Variants in SLC10A2 observed in about 807,000 individuals in gnomAD.
SLC10A2 encodes solute carrier family 10 member 2.
Under a neutral mutation model 27.1 loss-of-function variants are expected in SLC10A2, and 34 were observed. The observed-to-expected ratio is 1.26, with a 90% CI of 0.96 to 1.67. The LOEUF (loss-of-function observed/expected upper bound fraction) is 1.67. SLC10A2 is among the 40% of genes most tolerant of loss of function. SLC10A2 has a pLI of 0.00. For missense variants in SLC10A2, 530 were observed against 444.4 expected, an observed-to-expected ratio of 1.19 and a Z score of -1.73; for synonymous variants, 205 against 174.0, an observed-to-expected ratio of 1.18 and a Z score of -1.40.
intron 1 of SLC10A2, among the ~76,000 whole-genome samples, chr13:103,059,822 T>C (rs1876050876): frequency 6.6e-6 from 1 of 152,162 alleles, no homozygotes. Flanking sequence ...CTCGCTGTGT[T>C]GCCATAAAGC....
intron 1 of SLC10A2, among the ~76,000 whole-genome samples, chr13:103,065,626 A>G (rs1876248883): frequency 6.6e-6 from 1 of 152,234 alleles, no homozygotes; most frequent in African/African-American, 2.4e-5. Flanking sequence ...CTAGAGATCA[A>G]CAGCAATTAT....
intron 1 of SLC10A2, 82 bp from the exon 2 acceptor site, chr13:103,058,464 C>T (rs1036683152): frequency 1.0e-5 from 9 of 875,174 alleles, no homozygotes; most frequent in Middle Eastern, 3.2e-4. Context: ...TTTAATTTAA[C>T]TTTTATTTTA....
At chr13:103,047,618 T>C (rs780971259) in intron 5 of SLC10A2, among the ~76,000 whole-genome samples, 14 of 144,932 alleles carry the variant, frequency 9.7e-5, no homozygotes, top group Admixed American at 5.5e-4. Flanking sequence ...TTTAGAATCC[T>C]AGCCTTACCA....
chr13:103,048,976 A>G (rs1875689670), intron 5 of SLC10A2, among the ~76,000 whole-genome samples: 1 of 152,244 alleles, frequency 6.6e-6, no homozygotes, highest in Non-Finnish European at 1.5e-5. Flanking sequence ...TCCTGGGCGA[A>G]TGCCAGAAGG....
intron 1 of SLC10A2, among the ~76,000 whole-genome samples, chr13:103,064,330 T>G (rs1438945702): frequency 6.6e-6 from 1 of 152,242 alleles, no homozygotes; most frequent in Non-Finnish European, 1.5e-5. Context: ...AGAAATAAGA[T>G]TTCCTTAAAA....
chr13:103,058,181 G>T, intron 2 of SLC10A2, 83 bp downstream of exon 2: 2 of 854,764 alleles, frequency 2.3e-6, no homozygotes, highest in Non-Finnish European at 4.1e-6. Flanking sequence ...ACGGTCAGGT[G>T]TGAGCCTGGT....
intron 1 of SLC10A2, among the ~76,000 whole-genome samples, chr13:103,060,525 G>A (rs1876084568): frequency 6.6e-6 from 1 of 151,862 alleles, no homozygotes; most frequent in Non-Finnish European, 1.5e-5. Flanking sequence ...ACAGGCATGA[G>A]CCACCATGCC....
At chr13:103,055,860 A>G (rs982075692) in intron 2 of SLC10A2, among the ~76,000 whole-genome samples, 8 of 152,222 alleles carry the variant, frequency 5.3e-5, no homozygotes, top group Non-Finnish European at 1.0e-4. Flanking sequence ...ATTTATGCTG[A>G]ACATGCTCAC....
At position 103,046,026 on chromosome 13, in the gene SLC10A2, T is replaced by A. The variant is rs1383912899; in HGVS notation, c.*107A>T. ...ACATGAATTCCAATGAAATTCCAATTTTCACTTTAACTCTTTTCTGCCAAC... is the reference window on the plus strand; with the variant it reads ...ACATGAATTCCAATGAAATTCCAATATTCACTTTAACTCTTTTCTGCCAAC... On this transcript the variant is annotated 3_prime_UTR_variant, in exon 6 of 6. Coordinates refer to ENST00000245312, the MANE Select transcript of SLC10A2 (RefSeq NM_000452.3). 2.1e-6 allele frequency: 3 copies of A among 1,406,718 alleles called. No homozygotes were observed. In the African/African-American group the frequency reaches 4.3e-5, roughly 20 times the overall value. 87.1% of individuals were successfully genotyped at this position (1,406,718 alleles called of 1,614,324 possible).
At chr13:103,058,778 A>G (rs1182689969) in intron 1 of SLC10A2, among the ~76,000 whole-genome samples, 1 of 152,168 alleles carries the variant, frequency 6.6e-6, no homozygotes, top group Non-Finnish European at 1.5e-5. Context: ...TTCCTGCAAA[A>G]GACTTGATCT....
intron 3 of SLC10A2, among the ~76,000 whole-genome samples, chr13:103,052,341 G>C (rs187078616): frequency 6.6e-6 from 1 of 151,926 alleles, no homozygotes; most frequent in Admixed American, 6.5e-5. Context: ...GGCATGCTAG[G>C]CTGGGCGCAG....
chr13:103,052,768 C>G, intron 2 of SLC10A2, 60 bp from the exon 3 acceptor site: 1 of 1,048,252 alleles, frequency 9.5e-7, no homozygotes, highest in Non-Finnish European at 1.5e-6. Flanking sequence ...AAGAGAAAAA[C>G]AGAAGAACAA....
chr13:103,054,710 C>T (rs1463811119), intron 2 of SLC10A2, among the ~76,000 whole-genome samples: 1 of 152,084 alleles, frequency 6.6e-6, no homozygotes, highest in East Asian at 1.9e-4. Context: ...CAGATGAGGC[C>T]AGATGAAGTT....
Position 103,044,439 on chromosome 13 carries a change from T to G in SLC10A2, c.*1694A>C, listed in dbSNP as rs201028584. 1 of 152,172 alleles carries G rather than the reference T, an allele frequency of 6.6e-6. No homozygotes were observed. The highest frequency in any genetic ancestry group is 2.4e-5 in the African/African-American group (1 of 41,456). 9.4% of individuals were successfully genotyped at this position (152,172 alleles called of 1,614,324 possible). A position where few individuals can be genotyped will look rare whatever the true frequency, so the allele number is the denominator to read the frequency against. On this transcript the variant is annotated 3_prime_UTR_variant, in exon 6 of 6. Coordinates refer to ENST00000245312, the MANE Select transcript of SLC10A2 (RefSeq NM_000452.3). ...CCATTGGGAGCATATTCTCTGACACTCTCTAAGAAGGAAGTCTGTACCCCC... is the reference window on the plus strand; with the variant it reads ...CCATTGGGAGCATATTCTCTGACACGCTCTAAGAAGGAAGTCTGTACCCCC...
intron 1 of SLC10A2, among the ~76,000 whole-genome samples, chr13:103,059,290 C>G (rs553153833): frequency 3.9e-5 from 6 of 152,146 alleles, no homozygotes; most frequent in East Asian, 1.9e-4. Flanking sequence ...CATTTGCCCA[C>G]TTTTTAATGG....
chr13:103,048,401 GA>G (rs141410842), intron 5 of SLC10A2, among the ~76,000 whole-genome samples: 12,968 of 130,432 alleles, frequency 0.099, 937 homozygotes, highest in African/African-American at 0.22. Context: ...AAAAAAAAAA[GA>G]AAAAAAAAGA....
intron 1 of SLC10A2, 85 bp from the exon 2 acceptor site, chr13:103,058,467 TTA>T: frequency 1.2e-6 from 1 of 843,894 alleles, no homozygotes; most frequent in Non-Finnish European, 2.0e-6. Context: ...AATTTAACTT[TTA>T]TTTTAAGTTT....
At chr13:103,055,685 A>AAAT (rs895671395) in intron 2 of SLC10A2, among the ~76,000 whole-genome samples, 8 of 152,174 alleles carry the variant, frequency 5.3e-5, no homozygotes, top group African/African-American at 1.7e-4. Flanking sequence ...TGTTAAAGGA[A>AAAT]AATAATAATA....
intron 1 of SLC10A2, among the ~76,000 whole-genome samples, chr13:103,060,901 A>ACAC (rs1555334707): frequency 1.3e-5 from 2 of 151,920 alleles, no homozygotes; most frequent in African/African-American, 2.4e-5. Context: ...AACAACAACA[A>ACAC]CACACTATAC....
Sources: allele counts gnomAD v4.1 joint callset (sites outside exome capture counted in the v4.1 genomes callset), GRCh38; gene constraint gnomAD v4.1.1; transcripts MANE v1.5; gene names NCBI Gene and HGNC (gene_info 2026-07-23, HGNC 2026-07-21).